Variants in CACNA1B observed in about 807,000 individuals in gnomAD.
CACNA1B encodes the protein voltage-dependent N-type calcium channel subunit alpha-1B.
CACNA1B carries 70 observed loss-of-function variants against 247.2 expected under a neutral mutation model. That is an observed-to-expected ratio of 0.28 (90% confidence interval 0.23 to 0.35). The LOEUF (loss-of-function observed/expected upper bound fraction) is 0.35, where lower values mean the gene tolerates loss of function less well. Among genes scored for constraint, CACNA1B ranks in the 10% least tolerant of loss-of-function variants. The probability of loss-of-function intolerance (pLI) is 1.00; values close to 1 mark genes in which losing one functional copy is unlikely to be tolerated. For missense variants in CACNA1B, 2,367 were observed against 3,197.4 expected, an observed-to-expected ratio of 0.74 and a Z score of 6.26; for synonymous variants, 1,231 against 1,294.4, an observed-to-expected ratio of 0.95 and a Z score of 1.05.
chr9:137,914,654 G>C lies in CACNA1B; in HGVS notation c.623G>C (p.Ser208Thr). 4 of 1,613,706 alleles carry C rather than the reference G, an allele frequency of 2.5e-6. No individual in the cohort carries two copies. In the South Asian group the frequency reaches 4.4e-5, roughly 18 times the overall value. Residue 208 changes from serine (S) to threonine (T), a missense_variant and splice_region_variant, in exon 5 of 47, where the codon AGT (serine) becomes ACT (threonine). By Grantham distance (58) the Ser-to-Thr change is moderately conservative. This residue lies in a region of CACNA1B where 130 missense variants were observed against 338.7 expected (regional missense o/e 0.38). Coordinates refer to ENST00000371372, the MANE Select transcript of CACNA1B (RefSeq NM_000718.4). The surrounding 1 kb of genome is among the most constrained non-coding windows in gnomAD (Gnocchi z 4.3). The part of the protein sequence containing the change: ...RPLKLVSGIP[S>T]LQVVLKSIMK... ...CTGACCTGCCCTGTTCTGGCCCCAG[G>C]TTTGCAGGTGGTGCTCAAGTCCATC... is the stretch of plus-strand genomic sequence containing the variant.
At chr9:137,945,301 G>C (rs1427797166) in intron 6 of CACNA1B, among the ~76,000 whole-genome samples, 1 of 152,238 alleles carries the variant, frequency 6.6e-6, no homozygotes, top group Non-Finnish European at 1.5e-5. Context: ...GTCTGGAAGA[G>C]AGAAGAGGAC....
At chr9:138,001,285 A>T (rs1215185338) in intron 15 of CACNA1B, among the ~76,000 whole-genome samples, 2 of 86,180 alleles carry the variant, frequency 2.3e-5, no homozygotes, top group Non-Finnish European at 4.1e-5. Context: ...GTTTAAAAAA[A>T]TCTGGTAAAG....
At chr9:138,069,917 C>A (rs1960061518) in intron 32 of CACNA1B, among the ~76,000 whole-genome samples, 154 bp downstream of exon 32, 1 of 152,236 alleles carries the variant, frequency 6.6e-6, no homozygotes, top group Non-Finnish European at 1.5e-5. Flanking sequence ...CCTGGACTTG[C>A]TCCCTCGGCT....
In CACNA1B at chr9:138,058,691, C is replaced by A; in HGVS notation, c.4431C>A (p.Ile1477=). ...FVVSPPFEYF[I]MAMIALNTVV... ...TCTCCCCGCCCTTTGAATACTTCAT[C>A]ATGGCCATGATAGCCCTCAACACTG... Residue 1477 remains isoleucine (I), a synonymous_variant, in exon 29 of 47, where the codon ATC becomes ATA. Transcript: ENST00000371372. The surrounding 1 kb of genome is among the most constrained non-coding windows in gnomAD (Gnocchi z 4.7). 6.2e-7 allele frequency: 1 copy of A among 1,611,856 alleles called. No individual in the cohort carries two copies. The highest frequency in any genetic ancestry group is 8.5e-7 in the Non-Finnish European group (1 of 1,178,962).
At chr9:137,921,637 A>T (rs1260346474) in intron 6 of CACNA1B, among the ~76,000 whole-genome samples, 2 of 144,898 alleles carry the variant, frequency 1.4e-5, no homozygotes, top group Non-Finnish European at 3.0e-5. Flanking sequence ...CGTTCGGAGA[A>T]CCTGATCAGC....
In CACNA1B at chr9:137,986,312, A is replaced by G. The variant is rs1000623532; in HGVS notation, c.1770-101A>G. 3 of 1,317,988 alleles carry G rather than the reference A, an allele frequency of 2.3e-6. No individual in the cohort carries two copies. Among genetic ancestry groups the G allele is most frequent in the Non-Finnish European group, 3.2e-6 (3 of 947,602 alleles). The allele number at this position is 1,317,988 out of a possible 1,614,324, so 81.6% of individuals were successfully genotyped here. A position where few individuals can be genotyped will look rare whatever the true frequency, so the allele number is the denominator to read the frequency against. The stretch of plus-strand genomic sequence containing the variant: ...CTTCACACCTAGGTGTGCAGCCCTC[A>G]GGGTTTAGAAAGTCAGTGGAGCCTT... On this transcript the variant is annotated intron_variant, in intron 13 of 46. Transcript: ENST00000371372. This position sits in a 1 kb window ranked among gnomAD's most constrained non-coding sequence, Gnocchi z 6.0.
Position 138,120,284 on chromosome 9 carries a change from C to T in CACNA1B, c.6150C>T (p.His2050=). The T allele has an allele frequency of 6.4e-7, 1 of 1,565,286 alleles. No individual in the cohort carries two copies. The highest frequency in any genetic ancestry group is 2.4e-5 in the East Asian group (1 of 42,116). ...DRPPPSQASS[H]HHHHRCHRRR... ...CACCCCCTAGCCAGGCGTCGTCGCA[C>T]CACCACCACCACCGCTGCCACCGCC... Residue 2050 remains histidine, a synonymous_variant, in exon 45 of 47, where the codon CAC becomes CAT. Coordinates refer to ENST00000371372, the MANE Select transcript of CACNA1B (RefSeq NM_000718.4).
intron 20 of CACNA1B, among the ~76,000 whole-genome samples, chr9:138,030,687 AT>A (rs1363466088): frequency 6.6e-6 from 1 of 152,140 alleles, no homozygotes; most frequent in Non-Finnish European, 1.5e-5. Flanking sequence ...TGTTTGGGAA[AT>A]TTTGCCAATG....
intron 6 of CACNA1B, among the ~76,000 whole-genome samples, chr9:137,920,919 C>T (rs1957470098): frequency 6.6e-6 from 1 of 152,172 alleles, no homozygotes; most frequent in Admixed American, 6.5e-5. Flanking sequence ...TTTGTTATAG[C>T]AGAGGGTGGT....
At chr9:137,900,577 T>C (rs1029185781) in intron 3 of CACNA1B, among the ~76,000 whole-genome samples, 1 of 150,914 alleles carries the variant, frequency 6.6e-6, no homozygotes, top group African/African-American at 2.4e-5. Context: ...TGTGTGTCTC[T>C]GTGTCCGTGT....
At chr9:138,046,822 G>C (rs1013932080) in intron 21 of CACNA1B, 82 bp from the exon 22 acceptor site, 1 of 1,372,588 alleles carries the variant, frequency 7.3e-7, no homozygotes, top group Admixed American at 1.9e-5. Flanking sequence ...CCCTTTCTGC[G>C]GGACGGGCTG....
chr9:138,111,513 G>A (rs2313106), intron 39 of CACNA1B, among the ~76,000 whole-genome samples: 27,191 of 149,680 alleles, frequency 0.18, 2,815 homozygotes, highest in East Asian at 0.46. Context: ...CGACTCAAGG[G>A]AGCACAGAGG....
rs76155659 is a variant in CACNA1B at position 138,121,371 on chromosome 9, A to T, written c.6490-98A>T. ...CCCCATTGCCTCCCTCTCTCCTCCC[A>T]TCCCCCCAGGCACCTGTGTGTGATG... On this transcript the variant is annotated intron_variant, in intron 46 of 46. Coordinates refer to ENST00000371372, the MANE Select transcript of CACNA1B (RefSeq NM_000718.4). The surrounding 1 kb of genome is among the most constrained non-coding windows in gnomAD (Gnocchi z 6.8). 2.5e-3 allele frequency: 2,317 copies of T among 927,320 alleles called. 38 individuals are homozygous for T. In the African/African-American group the frequency reaches 0.038, roughly 15 times the overall value. 57.4% of individuals were successfully genotyped at this position (927,320 alleles called of 1,614,324 possible). A position where few individuals can be genotyped will look rare whatever the true frequency, so the allele number is the denominator to read the frequency against.
rs141980458 is a variant in CACNA1B at position 138,059,851 on chromosome 9, C to A, written c.4668+114C>A. The A allele has an allele frequency of 5.8e-6, 4 of 694,614 alleles. No individual in the cohort carries two copies. Among genetic ancestry groups the A allele is most frequent in the African/African-American group, 5.3e-5 (3 of 56,268 alleles). 43.0% of individuals were successfully genotyped at this position (694,614 alleles called of 1,614,324 possible). On this transcript the variant is annotated intron_variant, in intron 31 of 46. Coordinates refer to ENST00000371372, the MANE Select transcript of CACNA1B (RefSeq NM_000718.4). This position sits in a 1 kb window ranked among gnomAD's most constrained non-coding sequence, Gnocchi z 4.2. ...TAGCCTCTTCCTGGGTTCCGCAGAA[C>A]CCCCTGGACATGTGGAGGCTTCGCT...
At chr9:137,934,197 T>TA (rs1279055747) in intron 6 of CACNA1B, among the ~76,000 whole-genome samples, 1 of 152,226 alleles carries the variant, frequency 6.6e-6, no homozygotes, top group Non-Finnish European at 1.5e-5. Flanking sequence ...ACAGGTGTAG[T>TA]GGCTGATAGG....
chr9:138,046,542 A>G (rs1959187332), intron 21 of CACNA1B, among the ~76,000 whole-genome samples: 1 of 152,206 alleles, frequency 6.6e-6, no homozygotes, highest in African/African-American at 2.4e-5. Flanking sequence ...TTGGCTTTGG[A>G]CTGCTGTTGG....
intron 6 of CACNA1B, among the ~76,000 whole-genome samples, chr9:137,924,321 C>A (rs1036871272): frequency 6.7e-6 from 1 of 150,088 alleles, no homozygotes; most frequent in Admixed American, 6.7e-5. Flanking sequence ...TCCTTCTTTC[C>A]TTCCTCCCTC....
intron 25 of CACNA1B, among the ~76,000 whole-genome samples, chr9:138,053,242 G>A (rs1172211212): frequency 6.6e-6 from 1 of 152,322 alleles, no homozygotes; most frequent in Non-Finnish European, 1.5e-5. Context: ...GGTCATTCCC[G>A]TTTCTGTGGC....
rs991843826 is a variant in CACNA1B, at chr9:138,073,799, A to G, written c.4791+195A>G. 2.0e-5 allele frequency among the ~76,000 whole-genome samples: 3 copies of G among 152,212 alleles called. No homozygotes were observed. The highest frequency in any genetic ancestry group is 7.2e-5 in the African/African-American group (3 of 41,444). Reference sequence around the variant, plus strand: ...TGTAGGTTCCCTTGGTCATGCTCACAAGAACCCTGAGGTGGGTTTCATGAC... The same window carrying G: ...TGTAGGTTCCCTTGGTCATGCTCACGAGAACCCTGAGGTGGGTTTCATGAC... On this transcript the variant is annotated intron_variant, in intron 33 of 46. Coordinates refer to ENST00000371372, the MANE Select transcript of CACNA1B (RefSeq NM_000718.4). This position sits in a 1 kb window ranked among gnomAD's most constrained non-coding sequence, Gnocchi z 6.4.
Sources: gnomAD v4.1 joint callset for allele counts (sites outside exome capture counted in the v4.1 genomes callset) on GRCh38, gnomAD v4.1.1 for gene constraint, gnomAD v4.1.1 regional missense constraint, Gnocchi (gnomAD v3.1) non-coding constraint, MANE v1.5 for transcripts, NCBI Gene and HGNC (gene_info 2026-07-23, HGNC 2026-07-21) for gene names.